Variants in MYT1L observed in about 807,000 individuals in gnomAD.
MYT1L encodes the protein myelin transcription factor 1-like protein.
Under a neutral mutation model 126.7 loss-of-function variants are expected in MYT1L, and 12 were observed. That is an observed-to-expected ratio of 0.09 (90% CI 0.06 to 0.15). The LOEUF is 0.15. Ranked by LOEUF, MYT1L falls within the 10% of genes least tolerant of loss-of-function variation. The pLI, the probability that MYT1L is intolerant of heterozygous loss-of-function variation, is 1.00. For synonymous variants in MYT1L, 541 were observed against 604.2 expected (o/e 0.90, Z 1.53); for missense variants, 979 against 1,585.2 (o/e 0.62, Z 6.49).
At chr2:2,011,441 CTG>C (rs1273027469) in intron 4 of MYT1L, among the ~76,000 whole-genome samples, 1 of 149,880 alleles carries the variant, frequency 6.7e-6, no homozygotes, top group East Asian at 1.9e-4. Flanking sequence ...AAAAAAAAAA[CTG>C]TAACTATACA....
At chr2:1,792,769 CTG>C (rs1276152471) in intron 23 of MYT1L, among the ~76,000 whole-genome samples, 3 of 147,428 alleles carry the variant, frequency 2.0e-5, no homozygotes, top group Non-Finnish European at 4.5e-5. Flanking sequence ...ACTCGGGAGA[CTG>C]AGACATGAGA....
rs75020664 is a variant in MYT1L at position 2,152,652 on chromosome 2, C to T, written c.-304+20220G>A. On this transcript the variant is annotated intron_variant, in intron 3 of 24. Transcript: ENST00000647738. Reference sequence around the variant, plus strand: ...AGAGGCGTCCCGAGTAGATGAGCCCCGTGCATGGTGTCAAGCTGCAGCAGA... The same window carrying T: ...AGAGGCGTCCCGAGTAGATGAGCCCTGTGCATGGTGTCAAGCTGCAGCAGA... Among the ~76,000 whole-genome samples, 29 of 152,242 alleles carry T rather than the reference C, an allele frequency of 1.9e-4. No individual in the cohort carries two copies. In the East Asian group the frequency reaches 4.6e-3, roughly 24 times the overall value.
Position 1,902,890 on chromosome 2 carries a change from G to A in MYT1L, c.2032+190C>T, listed in dbSNP as rs996059481. 5.1e-6 allele frequency: 3 copies of A among 587,804 alleles called. No homozygotes were observed. In the Admixed American group the frequency reaches 9.1e-5, roughly 18 times the overall value. The allele number at this position is 587,804 out of a possible 1,614,324, so 36.4% of individuals were successfully genotyped here. A position where few individuals can be genotyped will look rare whatever the true frequency, so the allele number is the denominator to read the frequency against. ...AAACCATCTCCTTCCTTCCCCTGAA[G>A]TTTTGCTCACCTACAGCTGTGTGGA... On this transcript the variant is annotated intron_variant, in intron 14 of 24. Coordinates refer to ENST00000647738, the MANE Select transcript of MYT1L (RefSeq NM_001303052.2).
chr2:1,835,471 T>G (rs2040754598), intron 21 of MYT1L, among the ~76,000 whole-genome samples: 1 of 152,192 alleles, frequency 6.6e-6, no homozygotes, highest in Admixed American at 6.5e-5. Context: ...ATCGAAAAAT[T>G]GTAAGTTGAG....
rs2075285743 is a variant in MYT1L, at chr2:2,076,860, G to T, written c.-303-22737C>A. On this transcript the variant is annotated intron_variant, in intron 3 of 24. Transcript: ENST00000647738. ...GTTAACTGAAAATGTCCCTGAAAGG[G>T]CTCAGATTTGGGACTTGGTGAAGAC... 2.0e-5 allele frequency among the ~76,000 whole-genome samples: 3 copies of T among 152,094 alleles called. No homozygotes were observed. The South Asian group carries it at 6.2e-4, about 32-fold the overall frequency.
chr2:1,923,768 C>A (rs930687202), intron 9 of MYT1L, among the ~76,000 whole-genome samples: 7 of 152,074 alleles, frequency 4.6e-5, no homozygotes, highest in South Asian at 2.1e-4. Flanking sequence ...CAGAGGACAG[C>A]CTCAGGTTCC....
At chr2:2,309,699 C>T (rs760733038) in intron 1 of MYT1L, among the ~76,000 whole-genome samples, 1 of 150,854 alleles carries the variant, frequency 6.6e-6, no homozygotes, top group Non-Finnish European at 1.5e-5. Flanking sequence ...CTCTTCTCTA[C>T]CTATACTCCA....
At chr2:2,026,449 C>A (rs1375025161) in intron 4 of MYT1L, among the ~76,000 whole-genome samples, 1 of 152,188 alleles carries the variant, frequency 6.6e-6, no homozygotes, top group African/African-American at 2.4e-5. Flanking sequence ...GTGGCCCGGG[C>A]CGAGGGAGGC....
At chr2:2,295,705 C>G (rs796951060) in intron 1 of MYT1L, among the ~76,000 whole-genome samples, 546 of 12,272 alleles carry the variant, frequency 0.044, no homozygotes, top group Middle Eastern at 0.071. Flanking sequence ...GAGAGAGAGA[C>G]AGACAGACAG....
intron 2 of MYT1L, among the ~76,000 whole-genome samples, chr2:2,230,991 C>T (rs1000599786): frequency 4.6e-5 from 7 of 152,156 alleles, no homozygotes; most frequent in Admixed American, 3.3e-4. Context: ...GACCACACGA[C>T]CATCAGGGAA....
intron 11 of MYT1L, among the ~76,000 whole-genome samples, chr2:1,913,759 C>T (rs575304555): frequency 6.6e-6 from 1 of 152,252 alleles, no homozygotes; most frequent in East Asian, 1.9e-4. Context: ...CACTTTACGC[C>T]TCTCTCCTGC....
intron 3 of MYT1L, among the ~76,000 whole-genome samples, chr2:2,084,893 G>C (rs976487966): frequency 3.9e-5 from 6 of 152,182 alleles, no homozygotes; most frequent in African/African-American, 1.4e-4. Flanking sequence ...GGAAACACTG[G>C]TTATTATCTG....
At chr2:2,214,944 A>C (rs1252483029) in intron 2 of MYT1L, among the ~76,000 whole-genome samples, 1 of 152,216 alleles carries the variant, frequency 6.6e-6, no homozygotes, top group South Asian at 2.1e-4. Flanking sequence ...TAAGAGGGAA[A>C]AAATGGAAGA....
chr2:2,013,309 A>G (rs1422982044), intron 4 of MYT1L, among the ~76,000 whole-genome samples: 1 of 152,200 alleles, frequency 6.6e-6, no homozygotes, highest in East Asian at 1.9e-4. Flanking sequence ...CGAATGACGC[A>G]TGGGAACCCC....
intron 2 of MYT1L, among the ~76,000 whole-genome samples, chr2:2,182,513 CTT>C (rs1428277006): frequency 6.6e-6 from 1 of 152,074 alleles, no homozygotes; most frequent in Non-Finnish European, 1.5e-5. Context: ...CCCCCACACT[CTT>C]TCTCTCTCAT....
intron 3 of MYT1L, among the ~76,000 whole-genome samples, chr2:2,162,249 C>T (rs553113925): frequency 6.6e-6 from 1 of 152,238 alleles, no homozygotes; most frequent in African/African-American, 2.4e-5. Flanking sequence ...CAGACAGTGC[C>T]TGCGGTCCAC....
intron 2 of MYT1L, among the ~76,000 whole-genome samples, chr2:2,229,874 C>T (rs1425252795): frequency 6.6e-6 from 1 of 152,146 alleles, no homozygotes; most frequent in Non-Finnish European, 1.5e-5. Flanking sequence ...TTGTCCTCTC[C>T]ACCGAAACAG....
intron 2 of MYT1L, among the ~76,000 whole-genome samples, chr2:2,206,492 C>G (rs2093327968): frequency 6.6e-6 from 1 of 152,192 alleles, no homozygotes; most frequent in African/African-American, 2.4e-5. Context: ...TCTGTCTCCC[C>G]ACCTGGTCAA....
chr2:2,050,441 T>C (rs182287955), intron 4 of MYT1L, among the ~76,000 whole-genome samples: 27 of 152,224 alleles, frequency 1.8e-4, no homozygotes, highest in African/African-American at 6.0e-4. Context: ...AGCATGGAAA[T>C]TGGATGCAGA....
Sources: gnomAD v4.1 joint callset for allele counts (sites outside exome capture counted in the v4.1 genomes callset) on GRCh38, gnomAD v4.1.1 for gene constraint, MANE v1.5 for transcripts, NCBI Gene and HGNC (gene_info 2026-07-23, HGNC 2026-07-21) for gene names.